The following CYLC2 variants were observed in gnomAD, a reference collection of about 807,000 sequenced individuals.
CYLC2 encodes the protein cylicin-2.
In CYLC2, 30 loss-of-function variants were observed where a neutral mutation model predicts 26.1. The observed-to-expected ratio is 1.15, with a 90% CI of 0.86 to 1.56. The LOEUF is 1.56. Ranked by LOEUF, CYLC2 falls within the 40% of genes most tolerant of loss-of-function variation. The probability of loss-of-function intolerance (pLI) is 0.00; values close to 1 mark genes in which losing one functional copy is unlikely to be tolerated. For synonymous variants in CYLC2, 158 were observed against 132.8 expected (o/e 1.19, Z -1.31); for missense variants, 498 against 394.4 (o/e 1.26, Z -2.23).
At position 103,005,261 on chromosome 9, in the gene CYLC2, A is replaced by C; in HGVS notation, c.630A>C (p.Lys210Asn). Residue 210 changes from lysine to asparagine, a missense_variant, in exon 5 of 8, where the codon AAA becomes AAC. By Grantham distance (94) the Lys-to-Asn change is moderately conservative. Transcript: ENST00000374798. ...CGGCAACAGAATCTGAAGGTGAAAAAGGAGGTACAGAGAAAGATAGCAAAA... is the reference window on the plus strand; with the variant it reads ...CGGCAACAGAATCTGAAGGTGAAAACGGAGGTACAGAGAAAGATAGCAAAA... Reference protein sequence around the residue: ...KDSATESEGEKGGTEKDSKKG... With the variant: ...KDSATESEGENGGTEKDSKKG... The C allele has an allele frequency of 6.2e-7, 1 of 1,613,528 alleles. No individual in the cohort carries two copies. The highest frequency in any genetic ancestry group is 1.3e-5 in the African/African-American group (1 of 75,006).
intron 5 of CYLC2, chr9:103,010,664 T>C (rs567868442): frequency 6.6e-6 from 1 of 152,106 alleles, no homozygotes. Context: ...TGTATAGTTA[T>C]GTTAAAATTA....
In CYLC2 at chr9:103,005,849, A is replaced by C. The variant is rs1167422791; in HGVS notation, c.*171A>C. ...GGAGAACTCAGCAGAGATTTATAAA[A>C]ATATATAAGAAAGATGTTAAGAAAA... On this transcript the variant is annotated 3_prime_UTR_variant, in exon 5 of 8. Coordinates refer to ENST00000374798, the MANE Select transcript of CYLC2 (RefSeq NM_001340.5). 2 of 687,824 alleles carry C rather than the reference A, an allele frequency of 2.9e-6. No homozygotes were observed. The highest frequency in any genetic ancestry group is 4.7e-6 in the Non-Finnish European group (2 of 427,410). The allele number at this position is 687,824 out of a possible 1,614,324, so 42.6% of individuals were successfully genotyped here. A position where few individuals can be genotyped will look rare whatever the true frequency, so the allele number is the denominator to read the frequency against.
At chr9:103,013,644 AT>A (rs1829444598) in intron 6 of CYLC2, among the ~76,000 whole-genome samples, 1 of 112,000 alleles carries the variant, frequency 8.9e-6, no homozygotes, top group Non-Finnish European at 1.6e-5. Context: ...ATATATTTAT[AT>A]AAAAATATAA....
At chr9:103,013,711 T>C (rs967945861) in intron 6 of CYLC2, among the ~76,000 whole-genome samples, 22 of 112,212 alleles carry the variant, frequency 2.0e-4, no homozygotes, top group Admixed American at 3.5e-4. Flanking sequence ...CATTATATAT[T>C]ATATATATTA....
chr9:103,013,781 A>G (rs1342355379), intron 6 of CYLC2, among the ~76,000 whole-genome samples: 19 of 102,566 alleles, frequency 1.9e-4, no homozygotes, highest in African/African-American at 8.5e-4. Flanking sequence ...ATTATATATT[A>G]TATGATTATA....
intron 2 of CYLC2, 109 bp downstream of exon 2, chr9:103,001,727 T>C: frequency 1.5e-6 from 1 of 679,160 alleles, no homozygotes; most frequent in South Asian, 2.1e-5. Flanking sequence ...ATAAAATTGA[T>C]AATTAACTAT....
intron 6 of CYLC2, among the ~76,000 whole-genome samples, chr9:103,014,549 T>TATACCTCATATGTATATTAC (rs1297998132): frequency 9.6e-6 from 1 of 103,632 alleles, no homozygotes; most frequent in Non-Finnish European, 2.0e-5. Flanking sequence ...ATGTATATTA[T>TATACCTCATATGTATATTAC]GCAGTATACA....
At position 103,005,009 on chromosome 9, in the gene CYLC2, C is replaced by T; in HGVS notation, c.378C>T (p.Asp126=). 1 of 1,591,248 alleles carries T rather than the reference C, an allele frequency of 6.3e-7. No homozygotes were observed. The highest frequency in any genetic ancestry group is 2.2e-5 in the East Asian group (1 of 44,724). The change falls in exon 5 of 8, where the codon GAC becomes GAT. Residue 126 remains aspartate, a synonymous_variant. Coordinates refer to ENST00000374798, the MANE Select transcript of CYLC2 (RefSeq NM_001340.5). ...GTGAAGACAAGACAACACAGAAGGA[C>T]ACAACAGATTCGGAATCAGAATTAA... ...KKGEDKTTQK[D]TTDSESELKQ... is the part of the protein sequence containing the mutation.
At chr9:103,001,500 A>G (rs770197347) in intron 1 of CYLC2, 78 bp from the exon 2 acceptor site, 1 of 794,800 alleles carries the variant, frequency 1.3e-6, no homozygotes, top group Non-Finnish European at 2.1e-6. Flanking sequence ...GGTTGCAGGT[A>G]CTGGAGTAAA....
chr9:102,995,426 C>G, intron 1 of CYLC2, 29 bp downstream of exon 1: 1 of 1,528,240 alleles, frequency 6.5e-7, no homozygotes, highest in Non-Finnish European at 9.1e-7. Context: ...TTTAAAATAA[C>G]TGAAATACTC....
intron 1 of CYLC2, among the ~76,000 whole-genome samples, chr9:102,999,879 T>C (rs1238369519): frequency 2.0e-5 from 3 of 151,754 alleles, no homozygotes; most frequent in Non-Finnish European, 3.0e-5. Context: ...TTTTAAGAAA[T>C]TATGTGTCTA....
In CYLC2 at chr9:103,014,221, A is replaced by AATATATAATATGAATATTATATATCTC. The variant is rs1224506834; in HGVS notation, c.*816+2135_*816+2136insGAATATTATATATCTCATATATAATAT. Reference sequence around the variant, plus strand: ...TATGAATATTATATATCTCATATATAATATATAATATATATGTATGTAATA... The same window carrying AATATATAATATGAATATTATATATCTC: ...TATGAATATTATATATCTCATATATAATATATAATATGAATATTATATATCTCATATATAATATATATGTATGTAATA... On this transcript the variant is annotated intron_variant, in intron 6 of 7. Coordinates refer to ENST00000374798, the MANE Select transcript of CYLC2 (RefSeq NM_001340.5). Among the ~76,000 whole-genome samples, 74 of 119,816 alleles carry AATATATAATATGAATATTATATATCTC rather than the reference A, an allele frequency of 6.2e-4. 1 individual carries two copies. The highest frequency in any genetic ancestry group is 2.5e-3 in the African/African-American group (70 of 27,614). 78.6% of individuals were successfully genotyped at this position (119,816 alleles called of 152,430 possible). A position where few individuals can be genotyped will look rare whatever the true frequency, so the allele number is the denominator to read the frequency against.
At chr9:103,016,059 T>A (rs1465107784) in intron 6 of CYLC2, among the ~76,000 whole-genome samples, 2 of 151,594 alleles carry the variant, frequency 1.3e-5, no homozygotes, top group Non-Finnish European at 2.9e-5. Context: ...ACAGTATCAA[T>A]TATATATACA....
At position 103,003,357 on chromosome 9, in the gene CYLC2, A is replaced by T. The variant is rs992865468; in HGVS notation, c.180+94A>T. The T allele has an allele frequency of 3.6e-6, 4 of 1,109,708 alleles. No individual in the cohort carries two copies. The African/African-American group carries it at 6.3e-5, about 18-fold the overall frequency. 68.7% of individuals were successfully genotyped at this position (1,109,708 alleles called of 1,614,324 possible). ...AAGTAATTATAATTAGTCTTAAGTA[A>T]TCACTAAGTAGTAAGCTTGTGAAAT... On this transcript the variant is annotated intron_variant, in intron 3 of 7. Coordinates refer to ENST00000374798, the MANE Select transcript of CYLC2 (RefSeq NM_001340.5).
chr9:103,013,757 T>A (rs1473053605), intron 6 of CYLC2, among the ~76,000 whole-genome samples: 1 of 111,322 alleles, frequency 9.0e-6, no homozygotes, highest in Non-Finnish European at 1.6e-5. Flanking sequence ...ATATTATATA[T>A]AATTATATTT....
intron 3 of CYLC2, among the ~76,000 whole-genome samples, chr9:103,003,597 C>T (rs1014825563): frequency 6.6e-6 from 1 of 152,124 alleles, no homozygotes; most frequent in East Asian, 1.9e-4. Context: ...AGAGATAATT[C>T]AAAGTCTACC....
intron 6 of CYLC2, among the ~76,000 whole-genome samples, chr9:103,013,278 TAACACATTAA>T (rs1388746247): frequency 4.4e-5 from 4 of 90,920 alleles, no homozygotes; most frequent in African/African-American, 1.8e-4. Flanking sequence ...ATATTATATA[TAACACATTAA>T]ATATATATTT....
In CYLC2 at chr9:103,014,578, G is replaced by A. The variant is rs868791211; in HGVS notation, c.*817-2310G>A. 3.4e-3 allele frequency among the ~76,000 whole-genome samples: 473 copies of A among 138,004 alleles called. 21 individuals are homozygous for A. Among genetic ancestry groups the A allele is most frequent in the African/African-American group, 9.5e-3 (360 of 37,744 alleles). 90.5% of individuals were successfully genotyped at this position (138,004 alleles called of 152,430 possible). On this transcript the variant is annotated intron_variant, in intron 6 of 7. Transcript: ENST00000374798. ...GTATACATCATATGTATATTATGCA[G>A]TATACATCATATGTATATTATGCAG...
intron 5 of CYLC2, among the ~76,000 whole-genome samples, chr9:103,009,940 A>T (rs1829389425): frequency 6.7e-6 from 1 of 149,852 alleles, no homozygotes; most frequent in Admixed American, 6.6e-5. Context: ...TATATGTATT[A>T]TACACACATA....
Sources: gnomAD v4.1 joint callset for allele counts (sites outside exome capture counted in the v4.1 genomes callset) on GRCh38, gnomAD v4.1.1 for gene constraint, MANE v1.5 for transcripts, NCBI Gene and HGNC (gene_info 2026-07-23, HGNC 2026-07-21) for gene names.